ANXA6: variants seen among roughly 807,000 people sequenced by gnomAD.
ANXA6 encodes 67 kDa calelectrin.
ANXA6 carries 71 observed loss-of-function variants against 95.4 expected under a neutral mutation model. The ratio of observed to expected loss-of-function variants is 0.74; its 90% CI spans 0.61 to 0.91. The LOEUF is 0.91. ANXA6 is among the 40% of genes least tolerant of loss of function. The pLI is 0.00. For synonymous variants in ANXA6, 289 were observed against 315.9 expected (o/e 0.91, Z 0.90); for missense variants, 830 against 876.4 (o/e 0.95, Z 0.67).
At chr5:151,108,611 C>T (rs1208135493) in intron 22 of ANXA6, 61 bp from the exon 23 acceptor site, 1 of 1,426,218 alleles carries the variant, frequency 7.0e-7, no homozygotes, top group Admixed American at 1.7e-5. Context: ...CGGAGGACCC[C>T]TCCTCAGCCC....
At chr5:151,123,538 C>T (rs1765228869) in intron 15 of ANXA6, among the ~76,000 whole-genome samples, 1 of 152,204 alleles carries the variant, frequency 6.6e-6, no homozygotes, top group Admixed American at 6.5e-5. Context: ...CAGATTAATG[C>T]CATCAACCAC....
In ANXA6 at chr5:151,110,156, G is replaced by A. The variant is rs1451469389; in HGVS notation, c.1591-310C>T. On this transcript the variant is annotated intron_variant, in intron 21 of 25. Transcript: ENST00000354546. Reference sequence around the variant, plus strand: ...CACATAGACTCTGAGCATAGCAACTGGGAGTTCCCCTTCCATCCCTCAACC... The same window carrying A: ...CACATAGACTCTGAGCATAGCAACTAGGAGTTCCCCTTCCATCCCTCAACC... Among the ~76,000 whole-genome samples, 31 of 152,172 alleles carry A rather than the reference G, an allele frequency of 2.0e-4. 1 individual carries two copies. The highest frequency in any genetic ancestry group is 2.0e-3 in the Admixed American group (31 of 15,288).
chr5:151,136,014 G>A (rs1030519114), intron 7 of ANXA6, among the ~76,000 whole-genome samples: 5 of 152,304 alleles, frequency 3.3e-5, no homozygotes, highest in Admixed American at 1.3e-4. Context: ...AGAAGCAATG[G>A]CAGGAAGGAG....
chr5:151,139,228 G>A (rs948496949), intron 4 of ANXA6, 125 bp downstream of exon 4: 1 of 668,670 alleles, frequency 1.5e-6, no homozygotes, highest in Non-Finnish European at 2.6e-6. Context: ...AAAAGAGCAG[G>A]GTAAGGTGTC....
rs1215940260 is a variant in ANXA6 at position 151,115,431 on chromosome 5, TTC to T, written c.1572+1694_1572+1695del. Among the ~76,000 whole-genome samples the T allele has an allele frequency of 4.5e-4, 68 of 152,210 alleles. 1 individual carries two copies. The highest frequency in any genetic ancestry group is 9.4e-4 in the Non-Finnish European group (64 of 68,014). On this transcript the variant is annotated intron_variant, in intron 20 of 25. Coordinates refer to ENST00000354546, the MANE Select transcript of ANXA6 (RefSeq NM_001155.5). ...GGTCCCTTAGCTATTTCCACCCGGG[TTC>T]TCTCTCTCCACTTCTCTCCTTTTGC...
chr5:151,140,460 G>C (rs935347760), intron 2 of ANXA6: 2 of 550,628 alleles, frequency 3.6e-6, no homozygotes, highest in African/African-American at 1.9e-5. Context: ...CCCAAGGGAG[G>C]GGGGCTTGGC....
intron 1 of ANXA6, 95 bp from the exon 2 acceptor site, chr5:151,148,021 C>A (rs2113956742): frequency 1.6e-6 from 2 of 1,244,976 alleles, no homozygotes; most frequent in Non-Finnish European, 2.3e-6. Flanking sequence ...TTTCCAGCTG[C>A]CCCCAGCCCT....
At chr5:151,110,937 C>G (rs1033155417) in intron 20 of ANXA6, among the ~76,000 whole-genome samples, 1 of 152,176 alleles carries the variant, frequency 6.6e-6, no homozygotes, top group African/African-American at 2.4e-5. Context: ...GGGAACTCTG[C>G]CCTTCGCACC....
intron 17 of ANXA6, among the ~76,000 whole-genome samples, chr5:151,120,424 A>C (rs1448688529): frequency 6.6e-6 from 1 of 151,848 alleles, no homozygotes; most frequent in East Asian, 1.9e-4. Flanking sequence ...TACAAAAAAA[A>C]AAAAAAAAAA....
chr5:151,123,170 C>CA (rs1765221570), intron 15 of ANXA6, among the ~76,000 whole-genome samples, 159 bp from the exon 16 acceptor site: 1 of 152,204 alleles, frequency 6.6e-6, no homozygotes, highest in Admixed American at 6.5e-5. Flanking sequence ...GCCTATGGCT[C>CA]AGGCCACTGA....
At chr5:151,103,749 G>C in intron 24 of ANXA6, 57 bp from the exon 25 acceptor site, 1 of 1,550,454 alleles carries the variant, frequency 6.4e-7, no homozygotes, top group Non-Finnish European at 8.7e-7. Flanking sequence ...AGCCCAGTCA[G>C]GCAAGAAACA....
chr5:151,117,986 T>C (rs949680113), intron 18 of ANXA6, 149 bp from the exon 19 acceptor site: 7 of 633,884 alleles, frequency 1.1e-5, no homozygotes, highest in South Asian at 8.9e-5. Context: ...CATGGGGGCA[T>C]CCAGCCATCC....
In ANXA6 at chr5:151,132,488, T is replaced by G; in HGVS notation, c.724A>C (p.Met242Leu). ...GELSGDFEKL[M>L]LAVVKCIRST... ...CGTCAGGACATACCTACGGCCAGCA[T>G]TAGCTTCTCAAAGTCCCCAGACAGC... Residue 242 changes from methionine to leucine, a missense_variant, in exon 10 of 26, where the codon ATG becomes CTG. Coordinates refer to ENST00000354546, the MANE Select transcript of ANXA6 (RefSeq NM_001155.5). The G allele has an allele frequency of 6.2e-7, 1 of 1,612,436 alleles. No homozygotes were observed. The highest frequency in any genetic ancestry group is 1.1e-5 in the South Asian group (1 of 90,462).
chr5:151,108,021 T>G (rs1333604408), intron 23 of ANXA6, among the ~76,000 whole-genome samples: 1 of 152,070 alleles, frequency 6.6e-6, no homozygotes, highest in African/African-American at 2.4e-5. Context: ...GTGTTCTGTG[T>G]GTGATGTGTG....
chr5:151,139,596 G>T (rs780669262), intron 3 of ANXA6, 149 bp from the exon 4 acceptor site: 16 of 662,692 alleles, frequency 2.4e-5, no homozygotes, highest in Non-Finnish European at 3.8e-5. Context: ...TCAGGGCAGA[G>T]GGTCATGGGG....
Position 151,110,787 on chromosome 5 carries a change from C to T in ANXA6, c.1573-143G>A, listed in dbSNP as rs555220101. ...AGGTCCCAAGAGACCTGAGAGAACC[C>T]GGGATGCGAAAGGAAGGGGGGTAGG... On this transcript the variant is annotated intron_variant, in intron 20 of 25. Transcript: ENST00000354546. 5.7e-4 allele frequency: 463 copies of T among 813,302 alleles called. 9 individuals carry two copies. In the South Asian group the frequency reaches 6.9e-3, roughly 12 times the overall value. The allele number at this position is 813,302 out of a possible 1,614,324, so 50.4% of individuals were successfully genotyped here.
intron 21 of ANXA6, among the ~76,000 whole-genome samples, 162 bp downstream of exon 21, chr5:151,110,465 C>A (rs750224669): frequency 2.6e-5 from 4 of 152,194 alleles, no homozygotes; most frequent in Non-Finnish European, 5.9e-5. Context: ...GTTTGGGAAA[C>A]ACTTGCCTGG....
In ANXA6 at chr5:151,134,540, C is replaced by T. The variant is rs978808116; in HGVS notation, c.490-57G>A. The T allele has an allele frequency of 4.4e-6, 7 of 1,585,798 alleles. No individual in the cohort carries two copies. The African/African-American group carries it at 5.4e-5, about 12-fold the overall frequency. On this transcript the variant is annotated intron_variant, in intron 7 of 25. Coordinates refer to ENST00000354546, the MANE Select transcript of ANXA6 (RefSeq NM_001155.5). ...AACACTGCAAAGTCAGGAGGGAGGC[C>T]TGGATGCCAGTGGTGGAGACAGGGA... is the stretch of plus-strand genomic sequence containing the variant.
At chr5:151,125,786 C>T (rs1765298830) in intron 14 of ANXA6, among the ~76,000 whole-genome samples, 1 of 152,080 alleles carries the variant, frequency 6.6e-6, no homozygotes, top group Non-Finnish European at 1.5e-5. Flanking sequence ...AACATCAGAG[C>T]TCAAGAGCCC....
Sources: gnomAD v4.1 joint callset for allele counts (sites outside exome capture counted in the v4.1 genomes callset) on GRCh38, gnomAD v4.1.1 for gene constraint, MANE v1.5 for transcripts, NCBI Gene and HGNC (gene_info 2026-07-23, HGNC 2026-07-21) for gene names.